VPS13B: variants seen among roughly 807,000 people sequenced by gnomAD.
VPS13B encodes the protein intermembrane lipid transfer protein VPS13B.
Under a neutral mutation model 426.4 loss-of-function variants are expected in VPS13B, and 285 were observed. That is an observed-to-expected ratio of 0.67 (90% confidence interval 0.61 to 0.74). VPS13B has a LOEUF of 0.74. Among genes scored for constraint, VPS13B ranks in the 30% least tolerant of loss-of-function variants. The probability of loss-of-function intolerance (pLI) is 0.00; values close to 1 mark genes in which losing one functional copy is unlikely to be tolerated. For synonymous variants in VPS13B, 1,676 were observed against 1,676.4 expected (o/e 1.00, Z 0.01); for missense variants, 4,537 against 4,782.6 (o/e 0.95, Z 1.51).
chr8:99,633,112 C>T (rs892805173), intron 33 of VPS13B, among the ~76,000 whole-genome samples: 1 of 151,956 alleles, frequency 6.6e-6, no homozygotes, highest in Non-Finnish European at 1.5e-5. Context: ...GTTTTAAAAG[C>T]ATGTCTTTTT....
chr8:99,580,017 C>A (rs575441060), intron 33 of VPS13B, among the ~76,000 whole-genome samples: 64 of 151,890 alleles, frequency 4.2e-4, no homozygotes, highest in Admixed American at 9.2e-4. Context: ...TTTAAAAATT[C>A]CTTTTGAGAA....
chr8:99,334,831 T>C (rs1443377580), intron 19 of VPS13B, among the ~76,000 whole-genome samples: 2 of 152,168 alleles, frequency 1.3e-5, no homozygotes, highest in Admixed American at 6.5e-5. Context: ...TTTTTGGTTG[T>C]GTCTCTGCCC....
chr8:99,076,307 C>T (rs1845118147), intron 3 of VPS13B, among the ~76,000 whole-genome samples: 1 of 152,130 alleles, frequency 6.6e-6, no homozygotes, highest in African/African-American at 2.4e-5. Flanking sequence ...GTTTTATGTG[C>T]TGATGAGTCG....
chr8:99,277,384 A>G (rs1437101193), intron 19 of VPS13B, among the ~76,000 whole-genome samples: 1 of 152,128 alleles, frequency 6.6e-6, no homozygotes, highest in Non-Finnish European at 1.5e-5. Flanking sequence ...TGGCTTAGGT[A>G]TTTATGATAT....
chr8:99,763,135 CAAA>C (rs750289763), intron 39 of VPS13B, among the ~76,000 whole-genome samples: 425 of 35,824 alleles, frequency 0.012, 5 homozygotes, highest in African/African-American at 0.056. Flanking sequence ...GACCTTGTCT[CAAA>C]AAAAAAAAAA....
rs141777530 is a variant in VPS13B, at chr8:99,106,885, C to G, written c.580+3765C>G. 6.3e-3 allele frequency among the ~76,000 whole-genome samples: 962 copies of G among 152,280 alleles called. 8 individuals are homozygous for G. Among genetic ancestry groups the G allele is most frequent in the African/African-American group, 0.022 (903 of 41,546 alleles). On this transcript the variant is annotated intron_variant, in intron 5 of 61. Coordinates refer to ENST00000357162, the MANE Select transcript of VPS13B (RefSeq NM_152564.5). Reference sequence around the variant, plus strand: ...TATGTGGGATGGCGAGTTTGCAGGTCTGGTCTGTGTTGTGAATAAAACATT... The same window carrying G: ...TATGTGGGATGGCGAGTTTGCAGGTGTGGTCTGTGTTGTGAATAAAACATT...
chr8:99,392,097 T>C (rs1199529551), intron 21 of VPS13B, among the ~76,000 whole-genome samples: 1 of 152,140 alleles, frequency 6.6e-6, no homozygotes, highest in Non-Finnish European at 1.5e-5. Flanking sequence ...CAAATATCCT[T>C]AAAAACACAG....
chr8:99,667,357 C>T (rs1290627630), intron 35 of VPS13B, among the ~76,000 whole-genome samples: 1 of 151,930 alleles, frequency 6.6e-6, no homozygotes, highest in African/African-American at 2.4e-5. Flanking sequence ...GAGAGCCAAA[C>T]CACAGATATT....
rs553041624 is a variant in VPS13B at position 99,414,999 on chromosome 8, A to G, written c.3083-16538A>G. Reference sequence around the variant, plus strand: ...TCTCCTGGATAATATCCTGAAGACTATTTTCCAACTTGGTTCCATTTTCCA... The same window carrying G: ...TCTCCTGGATAATATCCTGAAGACTGTTTTCCAACTTGGTTCCATTTTCCA... On this transcript the variant is annotated intron_variant, in intron 21 of 61. Transcript: ENST00000357162. Among the ~76,000 whole-genome samples, 7 of 152,126 alleles carry G rather than the reference A, an allele frequency of 4.6e-5. 1 individual carries two copies. Among genetic ancestry groups the G allele is most frequent in the East Asian group, 1.9e-4 (1 of 5,148 alleles).
intron 15 of VPS13B, among the ~76,000 whole-genome samples, chr8:99,166,892 C>T (rs980201786): frequency 6.6e-6 from 1 of 152,038 alleles, no homozygotes; most frequent in Admixed American, 6.5e-5. Flanking sequence ...GAATGCAGTG[C>T]CCAGCAATAA....
At chr8:99,625,339 A>G (rs1317689332) in intron 33 of VPS13B, among the ~76,000 whole-genome samples, 10 of 152,302 alleles carry the variant, frequency 6.6e-5, no homozygotes, top group Admixed American at 4.6e-4. Flanking sequence ...TGGGTGGGAA[A>G]CTGCTATTTA....
chr8:99,379,856 A>G (rs1043152576), intron 19 of VPS13B, among the ~76,000 whole-genome samples: 1 of 152,166 alleles, frequency 6.6e-6, no homozygotes, highest in African/African-American at 2.4e-5. Flanking sequence ...AAAGAAATTC[A>G]TAGTAATTTA....
At chr8:99,792,312 CAATT>C (rs1554959069) in intron 43 of VPS13B, among the ~76,000 whole-genome samples, 2 of 152,068 alleles carry the variant, frequency 1.3e-5, no homozygotes, top group Non-Finnish European at 1.5e-5. Context: ...CAGGGAAAGA[CAATT>C]AATAGATGCT....
intron 2 of VPS13B, among the ~76,000 whole-genome samples, chr8:99,028,506 G>T (rs1332559074): frequency 1.5e-5 from 1 of 67,192 alleles, no homozygotes; most frequent in Non-Finnish European, 3.1e-5. Flanking sequence ...GGGGCGGCTG[G>T]CCGGGCGGGG....
At chr8:99,697,135 T>C (rs1235768037) in intron 35 of VPS13B, 6 of 530,578 alleles carry the variant, frequency 1.1e-5, no homozygotes, top group Non-Finnish European at 2.1e-5. Flanking sequence ...CTCAAGTCCA[T>C]ACTGCAGACT....
intron 56 of VPS13B, among the ~76,000 whole-genome samples, chr8:99,858,058 AG>A (rs1816643347): frequency 6.6e-6 from 1 of 152,126 alleles, no homozygotes; most frequent in South Asian, 2.1e-4. Context: ...CGCTGAGCTG[AG>A]GATCTCTGTC....
At chr8:99,230,190 T>G (rs1228625045) in intron 17 of VPS13B, among the ~76,000 whole-genome samples, 1 of 152,200 alleles carries the variant, frequency 6.6e-6, no homozygotes, top group African/African-American at 2.4e-5. Flanking sequence ...TTTTGCCTAT[T>G]CATAGCTCTG....
At chr8:99,346,889 G>A (rs544604583) in intron 19 of VPS13B, 1 of 152,614 alleles carries the variant, frequency 6.6e-6, no homozygotes. Context: ...AATGGCCAGG[G>A]CTTGAGGATC....
intron 19 of VPS13B, among the ~76,000 whole-genome samples, chr8:99,312,024 G>C (rs13279620): frequency 6.6e-6 from 1 of 151,908 alleles, no homozygotes; most frequent in Admixed American, 6.6e-5. Flanking sequence ...CTGTTTGCTT[G>C]GTAGATCTTC....
Sources: allele counts gnomAD v4.1 joint callset (sites outside exome capture counted in the v4.1 genomes callset), GRCh38; gene constraint gnomAD v4.1.1; transcripts MANE v1.5; gene names NCBI Gene and HGNC (gene_info 2026-07-23, HGNC 2026-07-21).